The following CHCT1 variants were observed in gnomAD, a reference collection of about 807,000 sequenced individuals.
CHCT1 encodes CHD1 helical C-terminal domain containing 1, also known as CHD1 helical C-terminal domain containing protein 1.
chr17:60,429,079 T>C, the CHCT1 span, among the ~76,000 whole-genome samples: 1 of 152,032 alleles, frequency 6.6e-6, no homozygotes, highest in Non-Finnish European at 1.5e-5. Flanking sequence ...AAAACACATA[T>C]CATTTCATTG....
At chr17:60,422,433 G>C in the CHCT1 span, 124 of 1,490,174 alleles carry the variant, frequency 8.3e-5, no homozygotes, top group East Asian at 6.6e-4. Flanking sequence ...GGAGCGGGGT[G>C]GGGGGCTGGG....
the CHCT1 span, among the ~76,000 whole-genome samples, chr17:60,429,181 T>G: frequency 6.6e-6 from 1 of 152,216 alleles, no homozygotes; most frequent in Admixed American, 6.5e-5. Flanking sequence ...ATTGGCAGCT[T>G]GCCTCCATGT....
the CHCT1 span, among the ~76,000 whole-genome samples, chr17:60,422,937 G>C: frequency 6.6e-6 from 1 of 152,028 alleles, no homozygotes; most frequent in Admixed American, 6.6e-5. Context: ...TGTGTTGGAG[G>C]AGTTGATCAG....
the CHCT1 span, chr17:60,426,811 G>A: frequency 1.2e-6 from 2 of 1,603,212 alleles, no homozygotes; most frequent in Admixed American, 3.4e-5. Flanking sequence ...AGCCGGCCAA[G>A]TTCCTGGTGA....
At chr17:60,422,028 A>G in the CHCT1 span, 2 of 880,916 alleles carry the variant, frequency 2.3e-6, no homozygotes, top group Non-Finnish European at 2.7e-6. Context: ...AGCACCCAGC[A>G]CCCAGCACGG....
the CHCT1 span, among the ~76,000 whole-genome samples, chr17:60,424,423 C>G: frequency 6.6e-6 from 1 of 152,106 alleles, no homozygotes; most frequent in African/African-American, 2.4e-5. Flanking sequence ...TCATCTGTAA[C>G]TAGGGTTAAT....
chr17:60,429,557 G>A, the CHCT1 span: 1 of 1,613,476 alleles, frequency 6.2e-7, no homozygotes, highest in Non-Finnish European at 8.5e-7. Flanking sequence ...TGTCAAGAAA[G>A]GTAATGACCA....
chr17:60,426,598 C>T, the CHCT1 span: 5 of 1,412,242 alleles, frequency 3.5e-6, no homozygotes, highest in African/African-American at 5.7e-5. Context: ...TCCCCCAACC[C>T]CAAACCCCAA....
chr17:60,425,261 A>C, the CHCT1 span, among the ~76,000 whole-genome samples: 1 of 152,184 alleles, frequency 6.6e-6, no homozygotes, highest in African/African-American at 2.4e-5. Flanking sequence ...GGCTCACTGC[A>C]ACCTTCAACT....
chr17:60,421,880 C>T, the CHCT1 span: 1 of 985,444 alleles, frequency 1.0e-6, no homozygotes, highest in South Asian at 4.7e-5. Context: ...GACTTGCCCG[C>T]GTCTCAGCGC....
At chr17:60,427,959 A>G in the CHCT1 span, among the ~76,000 whole-genome samples, 48 of 152,186 alleles carry the variant, frequency 3.2e-4, no homozygotes, top group Middle Eastern at 6.8e-3. Flanking sequence ...TCAGATTCGT[A>G]TCAGTGAAAT....
the CHCT1 span, chr17:60,426,771 G>T: frequency 1.2e-6 from 2 of 1,610,238 alleles, no homozygotes; most frequent in South Asian, 1.1e-5. Context: ...AAGCAGCTTC[G>T]CCGACTTTAC....
At chr17:60,425,743 G>A in the CHCT1 span, 222 of 1,462,774 alleles carry the variant, frequency 1.5e-4, no homozygotes, top group African/African-American at 2.6e-3. Flanking sequence ...CAGGAGTAAC[G>A]GTCCAATCCC....
At chr17:60,426,968 C>A in the CHCT1 span, 2 of 1,419,448 alleles carry the variant, frequency 1.4e-6, no homozygotes, top group Admixed American at 2.3e-5. Context: ...TTGACCTTTA[C>A]CCCTGCCCTG....
At chr17:60,421,516 C>T in the CHCT1 span, 1 of 985,458 alleles carries the variant, frequency 1.0e-6, no homozygotes, top group South Asian at 4.7e-5. Context: ...GGCCCGGGCC[C>T]AGAGGACACG....
At chr17:60,422,475 C>T in the CHCT1 span, 174 of 1,530,210 alleles carry the variant, frequency 1.1e-4, no homozygotes, top group African/African-American at 2.1e-3. Context: ...GGCTTTGCTC[C>T]GAGTTCTGGA....
At chr17:60,429,337 C>A in the CHCT1 span, 3 of 1,607,552 alleles carry the variant, frequency 1.9e-6, no homozygotes, top group Non-Finnish European at 1.7e-6. Flanking sequence ...TCAACACTCT[C>A]CTTAACACGG....
chr17:60,428,320 G>A, the CHCT1 span, among the ~76,000 whole-genome samples: 4 of 152,020 alleles, frequency 2.6e-5, no homozygotes, highest in Non-Finnish European at 5.9e-5. Flanking sequence ...CTCTAACTGC[G>A]CCCTCCTGCA....
chr17:60,430,730 C>A, the CHCT1 span, among the ~76,000 whole-genome samples: 2 of 152,232 alleles, frequency 1.3e-5, no homozygotes, highest in African/African-American at 4.8e-5. Flanking sequence ...ATTCATCCGC[C>A]TCAGCTTCCC....
Sources: gnomAD v4.1 joint callset for allele counts (sites outside exome capture counted in the v4.1 genomes callset) on GRCh38, gnomAD v4.1.1 for gene constraint, MANE v1.5 for transcripts, NCBI Gene and HGNC (gene_info 2026-07-23, HGNC 2026-07-21) for gene names.